Variants in ZNF451 observed in about 807,000 individuals in gnomAD.
The protein encoded by ZNF451 is zinc finger protein 451, also known as E3 SUMO-protein ligase ZNF451.
In ZNF451, 80 loss-of-function variants were observed where a neutral mutation model predicts 107.1. The observed-to-expected ratio is 0.75, with a 90% CI of 0.62 to 0.90. The LOEUF (loss-of-function observed/expected upper bound fraction) is 0.90, where lower values mean the gene tolerates loss of function less well. Ranked by LOEUF, ZNF451 falls within the 40% of genes least tolerant of loss-of-function variation. The probability of loss-of-function intolerance (pLI) is 0.00; values close to 1 mark genes in which losing one functional copy is unlikely to be tolerated. For missense variants in ZNF451, 1,107 were observed against 1,236.2 expected (o/e 0.90, Z 1.57); for synonymous variants, 362 against 406.5 (o/e 0.89, Z 1.32).
At chr6:57,094,293 A>G (rs1189756617) in intron 2 of ZNF451, among the ~76,000 whole-genome samples, 1 of 151,938 alleles carries the variant, frequency 6.6e-6, no homozygotes, top group African/African-American at 2.4e-5. Context: ...TTAATTTTTA[A>G]ATTTTATTTT....
intron 3 of ZNF451, among the ~76,000 whole-genome samples, chr6:57,120,611 A>G (rs1019501639): frequency 2.0e-5 from 3 of 152,182 alleles, no homozygotes; most frequent in Non-Finnish European, 2.9e-5. Flanking sequence ...GTATATTGGT[A>G]TCTCGTTGTT....
chr6:57,135,218 G>A (rs1034870229), intron 7 of ZNF451, among the ~76,000 whole-genome samples: 2 of 151,988 alleles, frequency 1.3e-5, no homozygotes, highest in African/African-American at 2.4e-5. Context: ...AAATGTTGGC[G>A]CCATATAGTA....
intron 3 of ZNF451, chr6:57,107,183 T>G (rs1829901318): frequency 1.0e-6 from 1 of 985,270 alleles, no homozygotes; most frequent in Admixed American, 6.1e-5. Context: ...TGTTAGCATA[T>G]CAGTTATTCT....
intron 3 of ZNF451, chr6:57,103,929 G>A (rs1301602107): frequency 8.1e-6 from 8 of 985,122 alleles, no homozygotes; most frequent in South Asian, 9.4e-5. Context: ...GGTTGATGGC[G>A]TAAATTTTCC....
chr6:57,105,837 C>CT (rs1376600881), intron 3 of ZNF451: 19 of 984,888 alleles, frequency 1.9e-5, no homozygotes, highest in African/African-American at 5.2e-5. Context: ...ACACTTTTAT[C>CT]TTTTTTTAAA....
rs370089242 is a variant in ZNF451, at chr6:57,090,403, C to G, written c.21+129C>G. ...TACCTCTTCAGTGTCTTGGGCCGAG[C>G]CCAGCTCTGGGGCCTGGTGCGTGTC... is the stretch of plus-strand genomic sequence containing the variant. On this transcript the variant is annotated intron_variant, in intron 1 of 14. Coordinates refer to ENST00000370706, the MANE Select transcript of ZNF451 (RefSeq NM_001031623.3). The G allele has an allele frequency of 1.7e-4, 244 of 1,426,252 alleles. 3 individuals carry two copies. In the East Asian group the frequency reaches 4.4e-3, roughly 26 times the overall value. 88.3% of individuals were successfully genotyped at this position (1,426,252 alleles called of 1,614,324 possible).
rs372459471 is a variant in ZNF451 at position 57,148,361 on chromosome 6, C to T, written c.2276C>T (p.Ser759Leu). The T allele has an allele frequency of 3.1e-6, 5 of 1,613,720 alleles. No individual in the cohort carries two copies. The highest frequency in any genetic ancestry group is 1.3e-5 in the African/African-American group (1 of 74,896). The change falls in exon 10 of 15, where the codon TCG (serine) becomes TTG (leucine). Residue 759 changes from serine (S) to leucine (L), a missense_variant. By Grantham distance (145) the Ser-to-Leu change is moderately radical. Transcript: ENST00000370706. ...GKLWFRCSLC[S>L]ATAQNLTDMN... is the part of the protein sequence containing the mutation. ...CTGTGGTTTCGCTGCAGTTTATGTT[C>T]GGCAACAGCACAGAATTTAACCGAC...
At chr6:57,101,927 A>C in intron 3 of ZNF451, 8 of 1,550,560 alleles carry the variant, frequency 5.2e-6, no homozygotes, top group Non-Finnish European at 7.0e-6. Flanking sequence ...GAAAATGACT[A>C]TAAAGATCAC....
In ZNF451 at chr6:57,145,942, C is replaced by G. The variant is rs1267497592; in HGVS notation, c.1005-1148C>G. Among the ~76,000 whole-genome samples the G allele has an allele frequency of 2.6e-5, 4 of 152,314 alleles. No homozygotes were observed. The South Asian group carries it at 6.2e-4, about 24-fold the overall frequency. On this transcript the variant is annotated intron_variant, in intron 9 of 14. Transcript: ENST00000370706. ...ACAGTGTATAAGTGTTCCCTTTTCT[C>G]TGTATCCTTGCCAACATCAGTTGTT...
chr6:57,129,210 A>G (rs950415323), intron 5 of ZNF451, among the ~76,000 whole-genome samples: 4 of 152,206 alleles, frequency 2.6e-5, no homozygotes, highest in African/African-American at 9.6e-5. Flanking sequence ...ACTGAGATCT[A>G]GAGGATTCAT....
intron 3 of ZNF451, chr6:57,102,653 C>T: frequency 1.0e-6 from 1 of 985,492 alleles, no homozygotes. Flanking sequence ...CTATCAAGCT[C>T]TGTGAGACTT....
intron 3 of ZNF451, chr6:57,109,103 T>G: frequency 1.0e-6 from 1 of 985,438 alleles, no homozygotes; most frequent in Non-Finnish European, 1.2e-6. Flanking sequence ...TAATTCCTGA[T>G]TATTTCACTT....
chr6:57,140,686 T>C (rs1455298130), intron 7 of ZNF451, among the ~76,000 whole-genome samples: 1 of 151,892 alleles, frequency 6.6e-6, no homozygotes, highest in Non-Finnish European at 1.5e-5. Flanking sequence ...AGAAAAAAAC[T>C]GAAAATAAAT....
intron 2 of ZNF451, among the ~76,000 whole-genome samples, chr6:57,091,605 G>T (rs1829049234): frequency 6.6e-6 from 1 of 152,216 alleles, no homozygotes; most frequent in African/African-American, 2.4e-5. Context: ...CAAAGCAGAA[G>T]AGAGTGTTTT....
intron 12 of ZNF451, 84 bp from the exon 13 acceptor site, chr6:57,153,777 C>A: frequency 7.4e-7 from 1 of 1,348,466 alleles, no homozygotes; most frequent in Admixed American, 1.8e-5. Flanking sequence ...CCTTCCTAGG[C>A]ATGTGTTCAT....
At chr6:57,131,668 C>A (rs17619360) in intron 5 of ZNF451, among the ~76,000 whole-genome samples, 21,438 of 152,054 alleles carry the variant, frequency 0.14, 1,594 homozygotes, top group Middle Eastern at 0.17. Flanking sequence ...AAACCTTAAT[C>A]ATATATAACC....
At chr6:57,143,186 G>T (rs773620968) in intron 9 of ZNF451, among the ~76,000 whole-genome samples, 1 of 151,966 alleles carries the variant, frequency 6.6e-6, no homozygotes, top group Non-Finnish European at 1.5e-5. Flanking sequence ...ACCTTTTGAT[G>T]AACAGAAGCT....
In ZNF451 at chr6:57,128,723, C is replaced by T. The variant is rs1353886122; in HGVS notation, c.313-6C>T. ...TCTTAATTGAGTTTTTTCTTAATGTCTTCAGGAAAAAATTGATTTTCAGCA... is the reference window on the plus strand; with the variant it reads ...TCTTAATTGAGTTTTTTCTTAATGTTTTCAGGAAAAAATTGATTTTCAGCA... On this transcript the variant is annotated splice_polypyrimidine_tract_variant and splice_region_variant and intron_variant, in intron 4 of 14. Transcript: ENST00000370706. 1.3e-6 allele frequency: 2 copies of T among 1,598,448 alleles called. No homozygotes were observed. The highest frequency in any genetic ancestry group is 1.7e-6 in the Non-Finnish European group (2 of 1,171,710).
intron 13 of ZNF451, among the ~76,000 whole-genome samples, chr6:57,156,606 C>G (rs1444435490): frequency 6.6e-6 from 1 of 152,182 alleles, no homozygotes. Flanking sequence ...TGAAAACTTT[C>G]TATACCCTCC....
Sources: allele counts gnomAD v4.1 joint callset (sites outside exome capture counted in the v4.1 genomes callset), GRCh38; gene constraint gnomAD v4.1.1; transcripts MANE v1.5; gene names NCBI Gene and HGNC (gene_info 2026-07-23, HGNC 2026-07-21).